Variants in VAV3 observed in about 807,000 individuals in gnomAD.
VAV3 encodes the protein guanine nucleotide exchange factor VAV3.
Under a neutral mutation model 131.2 loss-of-function variants are expected in VAV3, and 94 were observed. The ratio of observed to expected loss-of-function variants is 0.72; its 90% CI spans 0.61 to 0.85. The LOEUF (loss-of-function observed/expected upper bound fraction) is 0.85. Among genes scored for constraint, VAV3 ranks in the 40% least tolerant of loss-of-function variants. The probability of loss-of-function intolerance (pLI) is 0.00; values close to 1 mark genes in which losing one functional copy is unlikely to be tolerated. For synonymous variants in VAV3, 349 were observed against 342.0 expected (o/e 1.02, Z -0.22); for missense variants, 939 against 1,002.7 (o/e 0.94, Z 0.86).
At chr1:107,924,228 A>G (rs1437235450) in intron 1 of VAV3, among the ~76,000 whole-genome samples, 1 of 152,208 alleles carries the variant, frequency 6.6e-6, no homozygotes, top group Non-Finnish European at 1.5e-5. Flanking sequence ...TTTGAAGGCA[A>G]AGAATTAAAA....
At chr1:107,836,540 C>T (rs1668485827) in intron 2 of VAV3, among the ~76,000 whole-genome samples, 1 of 152,010 alleles carries the variant, frequency 6.6e-6, no homozygotes, top group East Asian at 1.9e-4. Flanking sequence ...ACAAAACAAG[C>T]TCAAAACTAG....
At chr1:107,812,107 T>C (rs578044109) in intron 2 of VAV3, among the ~76,000 whole-genome samples, 1 of 152,156 alleles carries the variant, frequency 6.6e-6, no homozygotes, top group African/African-American at 2.4e-5. Context: ...AATGTTTAAA[T>C]AATATCATTA....
intron 15 of VAV3, among the ~76,000 whole-genome samples, chr1:107,706,028 T>C (rs982203264): frequency 6.6e-6 from 1 of 152,212 alleles, no homozygotes; most frequent in Admixed American, 6.5e-5. Context: ...TTTAGGTTGC[T>C]GCAAAAGTAA....
rs112495050 is a variant in VAV3 at position 107,630,348 on chromosome 1, A to AGGAT, written c.1914+12267_1914+12270dup. Among the ~76,000 whole-genome samples the AGGAT allele has an allele frequency of 7.3e-3, 1,096 of 150,784 alleles. 6 individuals are homozygous for AGGAT. Among genetic ancestry groups the AGGAT allele is most frequent in the East Asian group, 0.017 (88 of 5,058 alleles). ...ATAAAAAGATGGAAGAATGGATGGG[A>AGGAT]GGATGGATGGATGGATGGATGGATG... On this transcript the variant is annotated intron_variant, in intron 20 of 26. Transcript: ENST00000370056.
intron 1 of VAV3, among the ~76,000 whole-genome samples, chr1:107,949,570 A>C (rs1453275431): frequency 6.6e-6 from 1 of 152,126 alleles, no homozygotes; most frequent in Non-Finnish European, 1.5e-5. Context: ...GCCTCCCAAA[A>C]TGCTGGGATT....
chr1:107,792,590 C>T (rs1158509513), intron 2 of VAV3, among the ~76,000 whole-genome samples: 1 of 152,308 alleles, frequency 6.6e-6, no homozygotes, highest in Non-Finnish European at 1.5e-5. Context: ...GAAAACTTTA[C>T]TAGTAAGTTG....
intron 21 of VAV3, among the ~76,000 whole-genome samples, chr1:107,612,433 G>A (rs902531974): frequency 1.3e-4 from 20 of 151,846 alleles, no homozygotes; most frequent in African/African-American, 4.8e-4. Context: ...ATCTCTACTT[G>A]GTTCTTTTGT....
intron 15 of VAV3, among the ~76,000 whole-genome samples, chr1:107,708,079 G>A (rs1660560035): frequency 6.6e-6 from 1 of 152,122 alleles, no homozygotes; most frequent in South Asian, 2.1e-4. Flanking sequence ...CCTTGGGCAG[G>A]AACAGAAAGA....
At chr1:107,859,699 T>C (rs1159974188) in intron 2 of VAV3, among the ~76,000 whole-genome samples, 1 of 152,180 alleles carries the variant, frequency 6.6e-6, no homozygotes, top group Non-Finnish European at 1.5e-5. Flanking sequence ...AAAATGATAA[T>C]CACCTTTGGT....
At chr1:107,792,904 G>GTACA (rs1229608160) in intron 2 of VAV3, among the ~76,000 whole-genome samples, 6 of 151,920 alleles carry the variant, frequency 3.9e-5, no homozygotes, top group African/African-American at 1.4e-4. Context: ...TAATTCAATC[G>GTACA]TACATTATAA....
At chr1:107,749,728 AC>A in intron 13 of VAV3, 134 bp from the exon 14 acceptor site, 1 of 984,976 alleles carries the variant, frequency 1.0e-6, no homozygotes, top group Non-Finnish European at 1.5e-6. Flanking sequence ...ACTGAAAACA[AC>A]GGGGTATTTG....
chr1:107,650,473 C>T (rs1456581229), intron 19 of VAV3, among the ~76,000 whole-genome samples: 1 of 151,854 alleles, frequency 6.6e-6, no homozygotes, highest in East Asian at 1.9e-4. Context: ...CCCCCAAATA[C>T]ATATGTTGAC....
chr1:107,740,596 T>C (rs1465474817), intron 15 of VAV3, among the ~76,000 whole-genome samples: 1 of 152,000 alleles, frequency 6.6e-6, no homozygotes, highest in Non-Finnish European at 1.5e-5. Context: ...GAATCACTGA[T>C]ACTAAAAATA....
chr1:107,666,743 T>C (rs1292976540), intron 19 of VAV3, among the ~76,000 whole-genome samples: 3 of 152,030 alleles, frequency 2.0e-5, no homozygotes, highest in Non-Finnish European at 4.4e-5. Flanking sequence ...CTAATTTGTA[T>C]ATATATAAAT....
At chr1:107,730,190 G>C (rs2101964688) in intron 15 of VAV3, among the ~76,000 whole-genome samples, 1 of 152,230 alleles carries the variant, frequency 6.6e-6, no homozygotes, top group East Asian at 1.9e-4. Context: ...GCTAGTCAAT[G>C]GTCAGTCTAA....
intron 17 of VAV3, among the ~76,000 whole-genome samples, chr1:107,690,669 G>A (rs1432328849): frequency 6.6e-6 from 1 of 151,948 alleles, no homozygotes; most frequent in Admixed American, 6.6e-5. Flanking sequence ...ATTTCTGATT[G>A]GGTGCTTTAA....
At position 107,705,013 on chromosome 1, in the gene VAV3, C is replaced by A; in HGVS notation, c.1551G>T (p.Lys517Asn). Reference sequence around the variant, plus strand: ...ATGTGACTCGAGTGAAGGTATGCATCTTGAAGTCGTGGAAATTGGAGTCTG... The same window carrying A: ...ATGTGACTCGAGTGAAGGTATGCATATTGAAGTCGTGGAAATTGGAGTCTG... ...DYADSNFHDF[K>N]MHTFTRVTSC... The change falls in exon 16 of 27, where the codon AAG becomes AAT. Residue 517 changes from lysine (K) to asparagine (N), a missense_variant. Physicochemically the swap from Lys to Asn is moderately conservative, Grantham distance 94 (BLOSUM62 0). Coordinates refer to ENST00000370056, the MANE Select transcript of VAV3 (RefSeq NM_006113.5). The A allele has an allele frequency of 6.2e-7, 1 of 1,613,822 alleles. No homozygotes were observed. The highest frequency in any genetic ancestry group is 8.5e-7 in the Non-Finnish European group (1 of 1,179,894).
intron 1 of VAV3, among the ~76,000 whole-genome samples, chr1:107,883,748 T>G (rs1441628488): frequency 6.6e-6 from 1 of 152,130 alleles, no homozygotes; most frequent in Non-Finnish European, 1.5e-5. Context: ...GCAGTCACCA[T>G]AACACACACA....
chr1:107,769,022 A>T (rs1461926013), intron 6 of VAV3, among the ~76,000 whole-genome samples: 1 of 152,142 alleles, frequency 6.6e-6, no homozygotes, highest in African/African-American at 2.4e-5. Flanking sequence ...CAGTTCCTTG[A>T]CCACAAATAA....
Sources: gnomAD v4.1 joint callset for allele counts (sites outside exome capture counted in the v4.1 genomes callset) on GRCh38, gnomAD v4.1.1 for gene constraint, MANE v1.5 for transcripts, NCBI Gene and HGNC (gene_info 2026-07-23, HGNC 2026-07-21) for gene names.